POLR2B: variants seen among roughly 807,000 people sequenced by gnomAD.
POLR2B encodes the protein RNA polymerase II subunit B.
Under a neutral mutation model 144.6 loss-of-function variants are expected in POLR2B, and 57 were observed. The observed-to-expected ratio is 0.39, with a 90% CI of 0.32 to 0.49. The LOEUF (loss-of-function observed/expected upper bound fraction) is 0.49, where lower values mean the gene tolerates loss of function less well. Ranked by LOEUF, POLR2B falls within the 20% of genes least tolerant of loss-of-function variation. The probability of loss-of-function intolerance (pLI) is 0.83; values close to 1 mark genes in which losing one functional copy is unlikely to be tolerated. For synonymous variants in POLR2B, 442 were observed against 469.8 expected (o/e 0.94, Z 0.77); for missense variants, 595 against 1,467.4 (o/e 0.41, Z 9.71).
At chr4:57,029,104 A>AT (rs1209310979) in intron 23 of POLR2B, among the ~76,000 whole-genome samples, 2 of 152,062 alleles carry the variant, frequency 1.3e-5, no homozygotes, top group East Asian at 1.9e-4. Context: ...TTTTTTGTAA[A>AT]TAGATCTTGA....
chr4:56,996,273 T>C (rs1350402892), intron 6 of POLR2B, among the ~76,000 whole-genome samples: 2 of 105,224 alleles, frequency 1.9e-5, no homozygotes, highest in African/African-American at 7.4e-5. Context: ...TATATATATA[T>C]ATATATTTTT....
chr4:57,023,685 G>C lies in POLR2B; in HGVS notation c.2790G>C (p.Gln930His), dbSNP rs779183423. 3 of 1,613,404 alleles carry C rather than the reference G, an allele frequency of 1.9e-6. No individual in the cohort carries two copies. The South Asian group carries it at 3.3e-5, about 18-fold the overall frequency. Residue 930 changes from glutamine to histidine, a missense_variant, in exon 20 of 25, where the codon CAG becomes CAC. By Grantham distance (24) the Gln-to-His change is conservative (BLOSUM62 0). This residue lies in a region of POLR2B where 65 missense variants were observed against 282.8 expected (regional missense o/e 0.23). Coordinates refer to ENST00000314595, the MANE Select transcript of POLR2B (RefSeq NM_000938.3). This position sits in a 1 kb window ranked among gnomAD's most constrained non-coding sequence, Gnocchi z 4.3. Reference sequence around the variant, plus strand: ...AGGTACGCTCTGTTAGGATTCCACAGATTGGAGACAAATTTGCTAGTCGAC... The same window carrying C: ...AGGTACGCTCTGTTAGGATTCCACACATTGGAGACAAATTTGCTAGTCGAC... Reference protein sequence around the residue: ...KIRVRSVRIPQIGDKFASRHG... With the variant: ...KIRVRSVRIPHIGDKFASRHG...
intron 17 of POLR2B, among the ~76,000 whole-genome samples, chr4:57,021,765 G>T (rs1723558186): frequency 6.6e-6 from 1 of 152,116 alleles, no homozygotes; most frequent in South Asian, 2.1e-4. Context: ...TTCCCAAAGT[G>T]CTAGGATTAC....
rs186281651 is a variant in POLR2B, at chr4:56,993,320, A to G, written c.244-1084A>G. Among the ~76,000 whole-genome samples the G allele has an allele frequency of 2.0e-4, 31 of 151,552 alleles. No homozygotes were observed. In the East Asian group the frequency reaches 5.9e-3, roughly 29 times the overall value. ...CCTGTCTCAAACAAAACAAAACAAA[A>G]TGAAACAAAACAAAAGAGACTGGAG... is the stretch of plus-strand genomic sequence containing the variant. On this transcript the variant is annotated intron_variant, in intron 3 of 24. Coordinates refer to ENST00000314595, the MANE Select transcript of POLR2B (RefSeq NM_000938.3).
intron 7 of POLR2B, chr4:57,002,581 A>G (rs1192751955): frequency 2.0e-5 from 3 of 152,154 alleles, no homozygotes; most frequent in South Asian, 4.1e-4. Flanking sequence ...TTTCCTTTGA[A>G]AAATATCACT....
At position 56,994,567 on chromosome 4, in the gene POLR2B, A is replaced by G. The variant is rs532686013; in HGVS notation, c.356+51A>G. The G allele has an allele frequency of 1.2e-4, 171 of 1,459,382 alleles. 2 individuals carry two copies. The South Asian group carries it at 1.8e-3, about 15-fold the overall frequency. 90.4% of individuals were successfully genotyped at this position (1,459,382 alleles called of 1,614,324 possible). ...CAGTAGATACTGAAATAGAATTTTGAAAATGTAATTTTAACCACTTGAGGA... is the reference window on the plus strand; with the variant it reads ...CAGTAGATACTGAAATAGAATTTTGGAAATGTAATTTTAACCACTTGAGGA... On this transcript the variant is annotated intron_variant, in intron 4 of 24. Transcript: ENST00000314595.
rs1393017567 is a variant in POLR2B, at chr4:57,030,386, G to A, written c.3422G>A (p.Arg1141His). The A allele has an allele frequency of 5.0e-6, 8 of 1,609,846 alleles. No homozygotes were observed. Among genetic ancestry groups the A allele is most frequent in the East Asian group, 4.5e-5 (2 of 44,818 alleles). The change falls in exon 24 of 25, where the codon CGC becomes CAC. Residue 1141 changes from arginine (R) to histidine (H), a missense_variant. By Grantham distance (29) the Arg-to-His change is conservative (BLOSUM62 0). Transcript: ENST00000314595. ...RTHTYECRGC[R>H]NKTQISLVRM... ...CATACATATGAATGCAGGGGCTGCC[G>A]CAATAAAACCCAGGTGTGTATAGAC...
At chr4:57,012,972 C>A (rs1488324470) in intron 13 of POLR2B, among the ~76,000 whole-genome samples, 1 of 152,128 alleles carries the variant, frequency 6.6e-6, no homozygotes, top group Admixed American at 6.6e-5. Flanking sequence ...TCCTGAGTAG[C>A]TGGGATTACA....
chr4:56,982,222 T>C (rs1722175277), intron 1 of POLR2B, among the ~76,000 whole-genome samples: 1 of 152,040 alleles, frequency 6.6e-6, no homozygotes, highest in African/African-American at 2.4e-5. Flanking sequence ...TTATTTTCTT[T>C]TGCTATTCCC....
At position 57,023,354 on chromosome 4, in the gene POLR2B, A is replaced by G. The variant is rs745925479; in HGVS notation, c.2540A>G (p.Lys847Arg). The change falls in exon 19 of 25, where the codon AAG (lysine) becomes AGG (arginine). Residue 847 changes from lysine (K) to arginine (R), a missense_variant. Lys to Arg is a conservative substitution (Grantham distance 26). Around this residue, in one of 9 missense-constraint regions of POLR2B, gnomAD observed 75 missense variants for 100.0 expected, o/e 0.75. Coordinates refer to ENST00000314595, the MANE Select transcript of POLR2B (RefSeq NM_000938.3). This position sits in a 1 kb window ranked among gnomAD's most constrained non-coding sequence, Gnocchi z 4.3. Reference sequence around the variant, plus strand: ...GGCATGAGGCATGCCATTTACGACAAGCTGGATGATGATGGTTTGATAGCT... The same window carrying G: ...GGCATGAGGCATGCCATTTACGACAGGCTGGATGATGATGGTTTGATAGCT... ...CQGMRHAIYD[K>R]LDDDGLIAPG... is the part of the protein sequence containing the mutation. The G allele has an allele frequency of 6.2e-7, 1 of 1,614,012 alleles. No homozygotes were observed. Among genetic ancestry groups the G allele is most frequent in the Admixed American group, 1.7e-5 (1 of 60,008 alleles).
In POLR2B at chr4:57,010,891, T is replaced by C; in HGVS notation, c.1688+4T>C. 1.2e-6 allele frequency: 2 copies of C among 1,605,498 alleles called. No homozygotes were observed. The highest frequency in any genetic ancestry group is 1.7e-6 in the Non-Finnish European group (2 of 1,172,862). On this transcript the variant is annotated splice_donor_region_variant and intron_variant, in intron 12 of 24. Transcript: ENST00000314595. The stretch of plus-strand genomic sequence containing the variant: ...TTTCTCCTGCAGCTATTGCTGAGTG[T>C]GTATAGATGGAATTAGTTTTTTAAA...
At chr4:56,992,640 G>A (rs1162868576) in intron 3 of POLR2B, among the ~76,000 whole-genome samples, 2 of 147,828 alleles carry the variant, frequency 1.4e-5, no homozygotes, top group Non-Finnish European at 3.0e-5. Flanking sequence ...GCTCACTGCA[G>A]GCTCCGCCTT....
At position 57,005,613 on chromosome 4, in the gene POLR2B, A is replaced by G. The variant is rs1005342908; in HGVS notation, c.1111A>G (p.Arg371Gly). 1.9e-6 allele frequency: 3 copies of G among 1,602,566 alleles called. No homozygotes were observed. The highest frequency in any genetic ancestry group is 2.6e-6 in the Non-Finnish European group (3 of 1,175,206). Reference protein sequence around the residue: ...KAYFLGYMVHRLLLAALGRRE... With the variant: ...KAYFLGYMVHGLLLAALGRRE... ...TTTTTTTTAAAGATACATGGTTCAT[A>G]GGTTACTTCTGGCAGCTTTGGGTAG... The change falls in exon 9 of 25, where the codon AGG (arginine) becomes GGG (glycine). Residue 371 changes from arginine to glycine, a missense_variant. This residue lies in a region of POLR2B where 251 missense variants were observed against 567.3 expected (regional missense o/e 0.44). Transcript: ENST00000314595.
chr4:57,017,497 CAG>C lies in POLR2B; in HGVS notation c.2155-60_2155-59del. The stretch of plus-strand genomic sequence containing the variant: ...AATCATATTTCTTTTGATTTATTGT[CAG>C]AGTCTTTTCCATTAGTGATAGTAAC... On this transcript the variant is annotated intron_variant, in intron 15 of 24. Coordinates refer to ENST00000314595, the MANE Select transcript of POLR2B (RefSeq NM_000938.3). This position sits in a 1 kb window ranked among gnomAD's most constrained non-coding sequence, Gnocchi z 4.8. 1 of 1,303,522 alleles carries C rather than the reference CAG, an allele frequency of 7.7e-7. No homozygotes were observed. The highest frequency in any genetic ancestry group is 1.1e-6 in the Non-Finnish European group (1 of 944,574). 80.7% of individuals were successfully genotyped at this position (1,303,522 alleles called of 1,614,324 possible).
intron 3 of POLR2B, 140 bp from the exon 4 acceptor site, chr4:56,994,264 C>T: frequency 1.7e-6 from 1 of 592,702 alleles, no homozygotes; most frequent in Non-Finnish European, 3.1e-6. Flanking sequence ...TGGGAAGTCC[C>T]CATTTCAGTA....
chr4:57,005,466 A>G, intron 8 of POLR2B, 24 bp downstream of exon 8: 3 of 1,527,740 alleles, frequency 2.0e-6, no homozygotes, highest in Non-Finnish European at 2.6e-6. Flanking sequence ...CATTGTTTTA[A>G]GTTCTTTATC....
At chr4:56,984,330 CTT>C (rs33978173) in intron 1 of POLR2B, among the ~76,000 whole-genome samples, 59 of 149,218 alleles carry the variant, frequency 4.0e-4, no homozygotes, top group African/African-American at 1.3e-3. Context: ...CAACTATGTA[CTT>C]TTTTTTTTTC....
At chr4:56,996,381 C>T (rs1226041249) in intron 6 of POLR2B, among the ~76,000 whole-genome samples, 6 of 147,878 alleles carry the variant, frequency 4.1e-5, no homozygotes, top group South Asian at 2.2e-4. Flanking sequence ...CCTGGGTTCA[C>T]GCCATTCTCC....
At chr4:57,024,595 C>G (rs1377452995) in intron 21 of POLR2B, among the ~76,000 whole-genome samples, 1 of 152,006 alleles carries the variant, frequency 6.6e-6, no homozygotes, top group East Asian at 1.9e-4. Context: ...TCTTTTTGTA[C>G]CTGATCCCAT....
Sources: gnomAD v4.1 joint callset for allele counts (sites outside exome capture counted in the v4.1 genomes callset) on GRCh38, gnomAD v4.1.1 for gene constraint, gnomAD v4.1.1 regional missense constraint, Gnocchi (gnomAD v3.1) non-coding constraint, MANE v1.5 for transcripts, NCBI Gene and HGNC (gene_info 2026-07-23, HGNC 2026-07-21) for gene names.